NECAB2: variants seen among roughly 807,000 people sequenced by gnomAD.
NECAB2 encodes the protein N-terminal EF-hand calcium-binding protein 2.
A neutral mutation model predicts 51.9 loss-of-function variants in NECAB2; 68 were observed. That is an observed-to-expected ratio of 1.31 (90% CI 1.08 to 1.60). NECAB2 has a LOEUF of 1.60. NECAB2 is among the 40% of genes most tolerant of loss of function. The pLI, the probability that NECAB2 is intolerant of heterozygous loss-of-function variation, is 0.00. For missense variants in NECAB2, 854 were observed against 490.3 expected, an observed-to-expected ratio of 1.74 and a Z score of -7.00; for synonymous variants, 329 against 203.5, an observed-to-expected ratio of 1.62 and a Z score of -5.25.
Position 83,972,131 on chromosome 16 carries a change from T to C in NECAB2, c.202-20T>C. Reference sequence around the variant, plus strand: ...TGCCTCTCCCTGGCCCAGGGCTGACTCCGCCTCTCTTTTCTGCAGATTTTC... The same window carrying C: ...TGCCTCTCCCTGGCCCAGGGCTGACCCCGCCTCTCTTTTCTGCAGATTTTC... On this transcript the variant is annotated intron_variant, in intron 1 of 12. Coordinates refer to ENST00000305202, the MANE Select transcript of NECAB2 (RefSeq NM_019065.3). The C allele has an allele frequency of 1.2e-6, 2 of 1,613,066 alleles. No individual in the cohort carries two copies. Among genetic ancestry groups the C allele is most frequent in the Non-Finnish European group, 8.5e-7 (1 of 1,179,990 alleles).
intron 2 of NECAB2, among the ~76,000 whole-genome samples, chr16:83,974,411 G>T (rs541734527): frequency 6.6e-6 from 1 of 152,288 alleles, no homozygotes; most frequent in East Asian, 1.9e-4. Flanking sequence ...ATAAGTCCCC[G>T]CTGCTCTGCC....
At chr16:83,993,705 C>T (rs1337676154) in intron 6 of NECAB2, 3 of 156,756 alleles carry the variant, frequency 1.9e-5, no homozygotes, top group South Asian at 1.9e-4. Flanking sequence ...CCTGTCAGGG[C>T]ACGCAGGGGT....
chr16:83,968,190 G>C (rs2084309647), upstream of NECAB2, among the ~76,000 whole-genome samples: 1 of 150,764 alleles, frequency 6.6e-6, no homozygotes, highest in Non-Finnish European at 1.5e-5. Flanking sequence ...GCCGCTCCCC[G>C]GGGCTGGAGC....
intron 10 of NECAB2, among the ~76,000 whole-genome samples, chr16:83,999,262 C>T (rs1350804346): frequency 6.7e-6 from 1 of 148,654 alleles, no homozygotes; most frequent in Non-Finnish European, 1.5e-5. Context: ...GAGTAAGTAG[C>T]CAGGATGGGG....
At chr16:84,001,140 G>A (rs2292333) in intron 11 of NECAB2, among the ~76,000 whole-genome samples, 36,195 of 152,052 alleles carry the variant, frequency 0.24, 9,311 homozygotes, top group African/African-American at 0.65. Context: ...CCTAGAAGGT[G>A]ACTCAGTCCC....
At chr16:83,998,075 G>A (rs1367427862) in intron 9 of NECAB2, 130 bp from the exon 10 acceptor site, 2 of 779,544 alleles carry the variant, frequency 2.6e-6, no homozygotes, top group African/African-American at 1.7e-5. Context: ...ATCCATTCAT[G>A]GGTAAGAATG....
rs551008227 is a variant in NECAB2 at position 83,997,417 on chromosome 16, C to T, written c.849+148C>T. The T allele has an allele frequency of 7.0e-6, 7 of 997,268 alleles. No individual in the cohort carries two copies. The African/African-American group carries it at 1.1e-4, about 16-fold the overall frequency. 61.8% of individuals were successfully genotyped at this position (997,268 alleles called of 1,614,324 possible). ...TGTCGCCCAGCGCTTGGCACCCAGA[C>T]CCTGCCCTGGCACAGGAGCCACCCC... On this transcript the variant is annotated intron_variant, in intron 9 of 12. Coordinates refer to ENST00000305202, the MANE Select transcript of NECAB2 (RefSeq NM_019065.3).
Position 83,968,587 on chromosome 16 carries a change from G to T in NECAB2, c.-62G>T, listed in dbSNP as rs1056900027. On this transcript the variant is annotated 5_prime_UTR_variant, in exon 1 of 13. Coordinates refer to ENST00000305202, the MANE Select transcript of NECAB2 (RefSeq NM_019065.3). The stretch of plus-strand genomic sequence containing the variant: ...GCAGCGCGGGGAGGGGGTCGCGCGG[G>T]GGCGGGCCGCAGCTGGGCGGGGGTC... The T allele has an allele frequency of 1.0e-6, 1 of 972,752 alleles. No homozygotes were observed. Among genetic ancestry groups the T allele is most frequent in the African/African-American group, 1.8e-5 (1 of 56,438 alleles). The allele number at this position is 972,752 out of a possible 1,614,324, so 60.3% of individuals were successfully genotyped here.
intron 1 of NECAB2, chr16:83,971,490 C>G (rs1274952307): frequency 6.6e-6 from 1 of 152,394 alleles, no homozygotes; most frequent in East Asian, 1.9e-4. Flanking sequence ...TCAGATGTCA[C>G]TGGAAAGGCA....
chr16:83,985,174 G>A lies in NECAB2; in HGVS notation c.459+4047G>A, dbSNP rs371670911. ...CTAAAAATACAAAAATTAGCCGAGC[G>A]TGGTGGCAGGCGCCTGTAATCCCAG... On this transcript the variant is annotated intron_variant, in intron 5 of 12. Transcript: ENST00000305202. Among the ~76,000 whole-genome samples the A allele has an allele frequency of 2.6e-5, 4 of 151,660 alleles. No individual in the cohort carries two copies. The East Asian group carries it at 5.8e-4, about 22-fold the overall frequency.
chr16:83,966,329 C>G, upstream of NECAB2: 1 of 405,180 alleles, frequency 2.5e-6, no homozygotes, highest in Non-Finnish European at 4.4e-6. Flanking sequence ...CAGTGCCCAC[C>G]TGCTCTCATG....
intron 8 of NECAB2, among the ~76,000 whole-genome samples, chr16:83,997,003 C>T (rs2084710989): frequency 1.3e-5 from 2 of 150,518 alleles, no homozygotes; most frequent in African/African-American, 5.0e-5. Context: ...CCCTTGCTGC[C>T]TCTCCCAAGC....
upstream of NECAB2, chr16:83,965,761 C>T (rs546377245): frequency 1.7e-5 from 27 of 1,613,354 alleles, no homozygotes; most frequent in East Asian, 2.0e-4. Flanking sequence ...TGGTCCTCAT[C>T]GGCTCCCACC....
chr16:83,974,956 A>G (rs112300671), intron 2 of NECAB2, among the ~76,000 whole-genome samples: 170 of 95,202 alleles, frequency 1.8e-3, no homozygotes, highest in African/African-American at 5.7e-3. Flanking sequence ...GTGTGGGTGC[A>G]GGGATGGGAA....
intron 9 of NECAB2, among the ~76,000 whole-genome samples, chr16:83,997,479 C>CTTTTTTT (rs11296947): frequency 5.6e-5 from 3 of 53,276 alleles, no homozygotes; most frequent in Admixed American, 3.0e-4. Context: ...CTCCCTGGAC[C>CTTTTTTT]TTTTTTTTTT....
chr16:84,002,054 T>C lies in NECAB2; in HGVS notation c.1132+138T>C, dbSNP rs1325253038. 1.5e-5 allele frequency: 17 copies of C among 1,119,828 alleles called. No individual in the cohort carries two copies. In the East Asian group the frequency reaches 4.4e-4, roughly 29 times the overall value. 69.4% of individuals were successfully genotyped at this position (1,119,828 alleles called of 1,614,324 possible). A position where few individuals can be genotyped will look rare whatever the true frequency, so the allele number is the denominator to read the frequency against. ...TCAGCTCCTGCCACCAATGCCAGGC[T>C]CAGAGCCAGCCCTGAGGTGGCCCCA... On this transcript the variant is annotated intron_variant, in intron 12 of 12. Coordinates refer to ENST00000305202, the MANE Select transcript of NECAB2 (RefSeq NM_019065.3).
rs2271300 is a variant in NECAB2 at position 84,001,926 on chromosome 16, A to G, written c.1132+10A>G. 0.14 allele frequency: 233,142 copies of G among 1,612,860 alleles called. 24,324 individuals carry two copies. The highest frequency in any genetic ancestry group is 0.56 in the African/African-American group (41,758 of 74,908). Reference sequence around the variant, plus strand: ...AGGATCTTGGTGCCAGGTAGGGGGCAAAGGCCTGGAACTGCAGTGGCCACC... The same window carrying G: ...AGGATCTTGGTGCCAGGTAGGGGGCGAAGGCCTGGAACTGCAGTGGCCACC... On this transcript the variant is annotated intron_variant, in intron 12 of 12. Transcript: ENST00000305202.
chr16:83,995,861 C>G (rs1407555104), intron 8 of NECAB2, among the ~76,000 whole-genome samples: 2 of 152,188 alleles, frequency 1.3e-5, no homozygotes, highest in Non-Finnish European at 2.9e-5. Flanking sequence ...GCGGGAGCGG[C>G]TCGGAGGGGA....
chr16:83,973,942 C>A (rs1474737710), intron 2 of NECAB2, among the ~76,000 whole-genome samples: 2 of 152,020 alleles, frequency 1.3e-5, no homozygotes, highest in African/African-American at 4.8e-5. Context: ...GGAGCCACTG[C>A]AGTGTATACA....
Sources: allele counts gnomAD v4.1 joint callset (sites outside exome capture counted in the v4.1 genomes callset), GRCh38; gene constraint gnomAD v4.1.1; transcripts MANE v1.5; gene names NCBI Gene and HGNC (gene_info 2026-07-23, HGNC 2026-07-21).